Variants in YWHAG observed in about 807,000 individuals in gnomAD.
YWHAG encodes tyrosine 3-monooxygenase/tryptophan 5-monooxygenase activation protein gamma, also known as 14-3-3 protein gamma.
In YWHAG, 1 loss-of-function variant was observed where a neutral mutation model predicts 23.3. That is an observed-to-expected ratio of 0.04 (90% CI 0.02 to 0.20). The LOEUF is 0.20. Among genes scored for constraint, YWHAG ranks in the 10% least tolerant of loss-of-function variants. YWHAG has a pLI of 1.00. For missense variants in YWHAG, 151 were observed against 338.6 expected, an observed-to-expected ratio of 0.45 and a Z score of 4.35; for synonymous variants, 160 against 144.0, an observed-to-expected ratio of 1.11 and a Z score of -0.80.
At chr7:76,335,407 T>TCTA (rs2115603408) in intron 1 of YWHAG, among the ~76,000 whole-genome samples, 1 of 152,162 alleles carries the variant, frequency 6.6e-6, no homozygotes, top group East Asian at 1.9e-4. Flanking sequence ...GTAGGTAAAA[T>TCTA]GGTTAGAAAA....
At chr7:76,332,950 C>CG (rs1204400698) in intron 1 of YWHAG, among the ~76,000 whole-genome samples, 2 of 152,060 alleles carry the variant, frequency 1.3e-5, no homozygotes, top group African/African-American at 4.8e-5. Flanking sequence ...GTGATCCACC[C>CG]GCCTCAGTCT....
intron 1 of YWHAG, among the ~76,000 whole-genome samples, chr7:76,339,673 G>A (rs2115615039): frequency 6.6e-6 from 1 of 152,224 alleles, no homozygotes; most frequent in South Asian, 2.1e-4. Flanking sequence ...GAGACAGCAA[G>A]CCCAATCCTC....
rs931605946 is a variant in YWHAG, at chr7:76,349,450, C to G, written c.87+9272G>C. Among the ~76,000 whole-genome samples the G allele has an allele frequency of 7.3e-5, 11 of 150,028 alleles. No individual in the cohort carries two copies. The East Asian group carries it at 1.2e-3, about 16-fold the overall frequency. On this transcript the variant is annotated intron_variant, in intron 1 of 1. Coordinates refer to ENST00000307630, the MANE Select transcript of YWHAG (RefSeq NM_012479.4). Reference sequence around the variant, plus strand: ...ACACACACACACACACACAGACACACACACACACACACACACAGCCAGATG... The same window carrying G: ...ACACACACACACACACACAGACACAGACACACACACACACACAGCCAGATG...
chr7:76,328,492 C>T lies in YWHAG; in HGVS notation c.*1085G>A, dbSNP rs1303967544. 1 of 152,150 alleles carries T rather than the reference C, an allele frequency of 6.6e-6. No homozygotes were observed. The highest frequency in any genetic ancestry group is 1.9e-4 in the East Asian group (1 of 5,192). 9.4% of individuals were successfully genotyped at this position (152,150 alleles called of 1,614,324 possible). On this transcript the variant is annotated 3_prime_UTR_variant, in exon 2 of 2. Coordinates refer to ENST00000307630, the MANE Select transcript of YWHAG (RefSeq NM_012479.4). ...GGTTTTTCTACCAGTAGGCTTCTAG[C>T]ACCTGAATTTTCACACACTGCACCA... is the stretch of plus-strand genomic sequence containing the variant.
intron 1 of YWHAG, among the ~76,000 whole-genome samples, chr7:76,333,952 C>G: frequency 6.6e-6 from 1 of 152,206 alleles, no homozygotes; most frequent in East Asian, 1.9e-4. Flanking sequence ...CAGCAGTGCC[C>G]AGAGAGGCAA....
intron 1 of YWHAG, among the ~76,000 whole-genome samples, chr7:76,336,303 G>A (rs1039477104): frequency 6.6e-6 from 1 of 152,100 alleles, no homozygotes; most frequent in Non-Finnish European, 1.5e-5. Flanking sequence ...GTGGACCTTG[G>A]GTGATAATGT....
chr7:76,335,392 T>C (rs1803602267), intron 1 of YWHAG, among the ~76,000 whole-genome samples: 1 of 152,196 alleles, frequency 6.6e-6, no homozygotes. Flanking sequence ...ATGTTAAAGA[T>C]AGCTGTAGGT....
chr7:76,342,537 T>TC (rs1803713555), intron 1 of YWHAG, among the ~76,000 whole-genome samples: 1 of 152,160 alleles, frequency 6.6e-6, no homozygotes, highest in African/African-American at 2.4e-5. Flanking sequence ...GGCCTTAAGA[T>TC]CTTTCTCTCT....
chr7:76,336,841 A>T lies in YWHAG; in HGVS notation c.88-6608T>A, dbSNP rs1204601423. 7.3e-5 allele frequency among the ~76,000 whole-genome samples: 11 copies of T among 151,470 alleles called. No individual in the cohort carries two copies. In the South Asian group the frequency reaches 1.9e-3, roughly 26 times the overall value. On this transcript the variant is annotated intron_variant, in intron 1 of 1. Transcript: ENST00000307630. ...ATTTTCTGTCCTCCTAGAATTTGAGAATATTGTCACCTGAAAGGGCCAAGG... is the reference window on the plus strand; with the variant it reads ...ATTTTCTGTCCTCCTAGAATTTGAGTATATTGTCACCTGAAAGGGCCAAGG...
chr7:76,353,927 G>T (rs1422001659), intron 1 of YWHAG, among the ~76,000 whole-genome samples: 1 of 151,924 alleles, frequency 6.6e-6, no homozygotes, highest in African/African-American at 2.4e-5. Flanking sequence ...CAAAAAAATA[G>T]CCAGGTGTGG....
chr7:76,358,463 C>T (rs954687379), intron 1 of YWHAG, among the ~76,000 whole-genome samples: 1 of 152,040 alleles, frequency 6.6e-6, no homozygotes, highest in Non-Finnish European at 1.5e-5. Flanking sequence ...CCAAGTCCAG[C>T]CCCGCGGGAC....
In YWHAG at chr7:76,329,123, G is replaced by A. The variant is rs553097822; in HGVS notation, c.*454C>T. ...GGATTTACACTGTTCCATGTCTGTA[G>A]GCTACACCCTGGAAAACATGCAGAG... On this transcript the variant is annotated 3_prime_UTR_variant, in exon 2 of 2. Coordinates refer to ENST00000307630, the MANE Select transcript of YWHAG (RefSeq NM_012479.4). This position sits in a 1 kb window ranked among gnomAD's most constrained non-coding sequence, Gnocchi z 6.1. 17 of 170,582 alleles carry A rather than the reference G, an allele frequency of 1.0e-4. No individual in the cohort carries two copies. The highest frequency in any genetic ancestry group is 4.6e-4 in the Admixed American group (8 of 17,400). The allele number at this position is 170,582 out of a possible 1,614,324, so 10.6% of individuals were successfully genotyped here. A position where few individuals can be genotyped will look rare whatever the true frequency, so the allele number is the denominator to read the frequency against.
Position 76,329,301 on chromosome 7 carries a change from A to C in YWHAG, c.*276T>G, listed in dbSNP as rs1803504227. The C allele has an allele frequency of 1.5e-5, 6 of 399,134 alleles. No individual in the cohort carries two copies. Among genetic ancestry groups the C allele is most frequent in the African/African-American group, 6.1e-5 (3 of 49,064 alleles). 24.7% of individuals were successfully genotyped at this position (399,134 alleles called of 1,614,324 possible). A position where few individuals can be genotyped will look rare whatever the true frequency, so the allele number is the denominator to read the frequency against. ...AACCCTATTATCTAGCAATAAGTTAAATTAGAGACAGACAGCTCCACTTGC... is the reference window on the plus strand; with the variant it reads ...AACCCTATTATCTAGCAATAAGTTACATTAGAGACAGACAGCTCCACTTGC... On this transcript the variant is annotated 3_prime_UTR_variant, in exon 2 of 2. Transcript: ENST00000307630. The surrounding 1 kb of genome is among the most constrained non-coding windows in gnomAD (Gnocchi z 6.1).
chr7:76,350,570 G>A (rs1262798927), intron 1 of YWHAG, among the ~76,000 whole-genome samples: 3 of 152,190 alleles, frequency 2.0e-5, no homozygotes, highest in African/African-American at 4.8e-5. Context: ...AAGGTCAGGC[G>A]CAGTGGCTCA....
At chr7:76,357,720 C>T (rs550334936) in intron 1 of YWHAG, among the ~76,000 whole-genome samples, 1 of 152,300 alleles carries the variant, frequency 6.6e-6, no homozygotes, top group African/African-American at 2.4e-5. Flanking sequence ...TTTAAAATAA[C>T]TCCTCCCAGC....
chr7:76,332,232 CT>C (rs1803553308), intron 1 of YWHAG, among the ~76,000 whole-genome samples: 1 of 152,170 alleles, frequency 6.6e-6, no homozygotes, highest in Non-Finnish European at 1.5e-5. Flanking sequence ...TCCACCACCT[CT>C]TGTTCCCGGC....
chr7:76,335,961 C>A (rs888234859), intron 1 of YWHAG, among the ~76,000 whole-genome samples: 1 of 151,862 alleles, frequency 6.6e-6, no homozygotes, highest in Non-Finnish European at 1.5e-5. Context: ...CCCACCACAC[C>A]CCCCAAAAAA....
intron 1 of YWHAG, among the ~76,000 whole-genome samples, chr7:76,348,090 T>C (rs1803810947): frequency 6.6e-6 from 1 of 152,154 alleles, no homozygotes; most frequent in Non-Finnish European, 1.5e-5. Flanking sequence ...GGTTAACCAA[T>C]GGAAAAATTA....
At chr7:76,343,136 C>G (rs1439136647) in intron 1 of YWHAG, among the ~76,000 whole-genome samples, 1 of 151,750 alleles carries the variant, frequency 6.6e-6, no homozygotes, top group African/African-American at 2.4e-5. Context: ...GACTCCATCT[C>G]AAGAAAAAAA....
Sources: allele counts gnomAD v4.1 joint callset (sites outside exome capture counted in the v4.1 genomes callset), GRCh38; gene constraint gnomAD v4.1.1; non-coding constraint Gnocchi (gnomAD v3.1); transcripts MANE v1.5; gene names NCBI Gene and HGNC (gene_info 2026-07-23, HGNC 2026-07-21).